The following SHISA2 variants were observed in gnomAD, a reference collection of about 807,000 sequenced individuals.
SHISA2 encodes the protein protein shisa-2 homolog.
SHISA2 carries 16 observed loss-of-function variants against 23.8 expected under a neutral mutation model. That is an observed-to-expected ratio of 0.67 (90% CI 0.46 to 1.02). The LOEUF (loss-of-function observed/expected upper bound fraction) is 1.02. Ranked by LOEUF, SHISA2 falls within the 50% of genes least tolerant of loss-of-function variation. SHISA2 has a pLI of 0.00. For synonymous variants in SHISA2, 201 were observed against 178.6 expected, an observed-to-expected ratio of 1.13 and a Z score of -1.00; for missense variants, 459 against 420.1, an observed-to-expected ratio of 1.09 and a Z score of -0.81.
In SHISA2 at chr13:26,046,594, C is replaced by T. The variant is rs747649857; in HGVS notation, c.807G>A (p.Leu269=). Reference sequence around the variant, plus strand: ...ACTGAATCTGCCTGTAGCCAGGCTGCAGGCCGTCCATGAAAGGTGGCACAG... The same window carrying T: ...ACTGAATCTGCCTGTAGCCAGGCTGTAGGCCGTCCATGAAAGGTGGCACAG... ...MTAVPPFMDG[L]QPGYRQIQSP... Residue 269 remains leucine, a synonymous_variant, in exon 2 of 2, where the codon CTG becomes CTA. Transcript: ENST00000319420. 2 of 1,614,068 alleles carry T rather than the reference C, an allele frequency of 1.2e-6. No homozygotes were observed. The highest frequency in any genetic ancestry group is 1.3e-5 in the African/African-American group (1 of 74,936).
In SHISA2 at chr13:26,051,963, C is replaced by G. The variant is rs1957307790; in HGVS notation, c.-988G>C. Among the ~76,000 whole-genome samples the G allele has an allele frequency of 1.0e-5, 1 of 97,894 alleles. No individual in the cohort carries two copies. Among genetic ancestry groups the G allele is most frequent in the Non-Finnish European group, 2.1e-5 (1 of 46,518 alleles). The allele number at this position is 97,894 out of a possible 152,430, so 64.2% of individuals were successfully genotyped here. Reference sequence around the variant, plus strand: ...GGGCTACGGGAGAAGCCGAGCGCAGCAGCCGCCCACAGCCTCGCCTCGCCC... The same window carrying G: ...GGGCTACGGGAGAAGCCGAGCGCAGGAGCCGCCCACAGCCTCGCCTCGCCC... On this transcript the variant is annotated 5_prime_UTR_variant, in exon 1 of 2. Transcript: ENST00000319420.
In SHISA2 at chr13:26,046,695, C is replaced by T. The variant is rs770163542; in HGVS notation, c.706G>A (p.Val236Met). 6.2e-7 allele frequency: 1 copy of T among 1,614,236 alleles called. No individual in the cohort carries two copies. The highest frequency in any genetic ancestry group is 8.5e-7 in the Non-Finnish European group (1 of 1,180,044). ...TGCAGATACTGCCCTTGATGTGGCA[C>T]AATCTGGGTGGCCTGCTGACAGTTC... ...VLNCQQATQIVPHQGQYLHPP... is the reference protein window; with the variant it reads ...VLNCQQATQIMPHQGQYLHPP... The change falls in exon 2 of 2, where the codon GTG becomes ATG. Residue 236 changes from valine (V) to methionine (M), a missense_variant. Val to Met is a conservative substitution (Grantham distance 21, BLOSUM62 1). Transcript: ENST00000319420.
intron 1 of SHISA2, among the ~76,000 whole-genome samples, chr13:26,049,575 C>T (rs78644972): frequency 0.026 from 3,962 of 152,148 alleles, 173 homozygotes; most frequent in African/African-American, 0.089. Flanking sequence ...TCTGGAATTA[C>T]GCTCTCTTCA....
chr13:26,049,257 C>T (rs900530636), intron 1 of SHISA2, among the ~76,000 whole-genome samples: 2 of 152,132 alleles, frequency 1.3e-5, no homozygotes, highest in Admixed American at 6.5e-5. Flanking sequence ...ATAAGCCCCC[C>T]GGCAGGCTTA....
At position 26,048,351 on chromosome 13, in the gene SHISA2, G is replaced by A. The variant is rs541406451; in HGVS notation, c.335-1285C>T. Among the ~76,000 whole-genome samples, 4 of 152,190 alleles carry A rather than the reference G, an allele frequency of 2.6e-5. No homozygotes were observed. In the South Asian group the frequency reaches 8.3e-4, roughly 32 times the overall value. ...ATTAGTTTCTTAAAAAAATCTTTTA[G>A]GAGCCATAGAGAGGGCACTACAAGG... On this transcript the variant is annotated intron_variant, in intron 1 of 1. Transcript: ENST00000319420.
Position 26,045,397 on chromosome 13 carries a change from C to T in SHISA2, c.*1116G>A, listed in dbSNP as rs1957259500. On this transcript the variant is annotated 3_prime_UTR_variant, in exon 2 of 2. Coordinates refer to ENST00000319420, the MANE Select transcript of SHISA2 (RefSeq NM_001007538.2). ...TTCAATATAAAAAAGAATGCATTAC[C>T]TCTCAGATGTCACCTTAAAGCCAGA... 2.0e-5 allele frequency: 3 copies of T among 152,106 alleles called. No homozygotes were observed. Among genetic ancestry groups the T allele is most frequent in the Non-Finnish European group, 2.9e-5 (2 of 68,018 alleles). 9.4% of individuals were successfully genotyped at this position (152,106 alleles called of 1,614,324 possible).
At position 26,050,934 on chromosome 13, in the gene SHISA2, G is replaced by A. The variant is rs1957299030; in HGVS notation, c.42C>T (p.Asn14=). ...ARRSSVSSSW[N]AASLLQLLLA... is the part of the protein sequence containing the mutation. Reference sequence around the variant, plus strand: ...GCAGCAGCTGCAGGAGCGAAGCGGCGTTCCAGGATGAGGAGACGGACGAGC... The same window carrying A: ...GCAGCAGCTGCAGGAGCGAAGCGGCATTCCAGGATGAGGAGACGGACGAGC... Residue 14 remains asparagine (N), a synonymous_variant, in exon 1 of 2, where the codon AAC becomes AAT. Coordinates refer to ENST00000319420, the MANE Select transcript of SHISA2 (RefSeq NM_001007538.2). 18 of 1,520,436 alleles carry A rather than the reference G, an allele frequency of 1.2e-5. No homozygotes were observed. Among genetic ancestry groups the A allele is most frequent in the Non-Finnish European group, 1.5e-5 (17 of 1,141,436 alleles). 94.2% of individuals were successfully genotyped at this position (1,520,436 alleles called of 1,614,324 possible). A position where few individuals can be genotyped will look rare whatever the true frequency, so the allele number is the denominator to read the frequency against.
In SHISA2 at chr13:26,051,617, G is replaced by C. The variant is rs1236901254; in HGVS notation, c.-642C>G. ...GGGGTGCAGCCCCGACGCTCCACTCGGCGGGGCCGACGGCCAATCTTCCCA... is the reference window on the plus strand; with the variant it reads ...GGGGTGCAGCCCCGACGCTCCACTCCGCGGGGCCGACGGCCAATCTTCCCA... On this transcript the variant is annotated 5_prime_UTR_variant, in exon 1 of 2. Transcript: ENST00000319420. Among the ~76,000 whole-genome samples the C allele has an allele frequency of 6.6e-6, 1 of 152,026 alleles. No individual in the cohort carries two copies. Among genetic ancestry groups the C allele is most frequent in the East Asian group, 2.0e-4 (1 of 5,074 alleles).
chr13:26,047,649 C>T (rs1220990109), intron 1 of SHISA2, among the ~76,000 whole-genome samples: 2 of 152,254 alleles, frequency 1.3e-5, no homozygotes, highest in East Asian at 3.9e-4. Context: ...AGAGGTAAGG[C>T]ACAGAAGGGT....
Position 26,051,061 on chromosome 13 carries a change from C to G in SHISA2, c.-86G>C. 3 of 1,223,706 alleles carry G rather than the reference C, an allele frequency of 2.5e-6. No homozygotes were observed. In the South Asian group the frequency reaches 5.1e-5, roughly 21 times the overall value. 75.8% of individuals were successfully genotyped at this position (1,223,706 alleles called of 1,614,324 possible). ...CGTGGCCCCGGCGACCCCCGGGCCT[C>G]GTCACTGACTGTCCCGCGGCGCTTT... On this transcript the variant is annotated 5_prime_UTR_variant, in exon 1 of 2. Transcript: ENST00000319420.
In SHISA2 at chr13:26,044,708, C is replaced by G. The variant is rs1388216398; in HGVS notation, c.*1805G>C. 6.6e-6 allele frequency: 1 copy of G among 152,154 alleles called. No individual in the cohort carries two copies. Among genetic ancestry groups the G allele is most frequent in the Non-Finnish European group, 1.5e-5 (1 of 68,030 alleles). The allele number at this position is 152,154 out of a possible 1,614,324, so 9.4% of individuals were successfully genotyped here. A position where few individuals can be genotyped will look rare whatever the true frequency, so the allele number is the denominator to read the frequency against. On this transcript the variant is annotated 3_prime_UTR_variant, in exon 2 of 2. Transcript: ENST00000319420. ...TTGCCAACACTGGTTTTACATTATT[C>G]AGTCATGAAACAGAATAGAAAGATG...
At position 26,050,652 on chromosome 13, in the gene SHISA2, G is replaced by T. The variant is rs987063443; in HGVS notation, c.324C>A (p.Asp108Glu). The T allele has an allele frequency of 4.2e-6, 6 of 1,416,564 alleles. No homozygotes were observed. Among genetic ancestry groups the T allele is most frequent in the Non-Finnish European group, 5.5e-6 (6 of 1,094,550 alleles). The allele number at this position is 1,416,564 out of a possible 1,614,324, so 87.7% of individuals were successfully genotyped here. ...CGCAGGCCGCCCTACCTGCCGAGCC[G>T]TCGGGGCCGTCTTTGTCCGCCCGGC... ...EPGRADKDGPDGSAVPIYVPF... is the reference protein window; with the variant it reads ...EPGRADKDGPEGSAVPIYVPF... Residue 108 changes from aspartate to glutamate, a missense_variant, in exon 1 of 2, where the codon GAC becomes GAA. Physicochemically the swap from Asp to Glu is conservative, Grantham distance 45. Transcript: ENST00000319420.
In SHISA2 at chr13:26,046,519, A is replaced by G; in HGVS notation, c.882T>C (p.Thr294=). 1 of 1,596,502 alleles carries G rather than the reference A, an allele frequency of 6.3e-7. No individual in the cohort carries two copies. Among genetic ancestry groups the G allele is most frequent in the Admixed American group, 1.7e-5 (1 of 59,322 alleles). Reference sequence around the variant, plus strand: ...ACCCACCAGTGACTCTCGGTTATACAGTCACCGCTGGGTACATCTTCTGTT... The same window carrying G: ...ACCCACCAGTGACTCTCGGTTATACGGTCACCGCTGGGTACATCTTCTGTT... ...NSEQKMYPAV[T]V is the part of the protein sequence containing the mutation. Residue 294 remains threonine, a synonymous_variant, in exon 2 of 2, where the codon ACT becomes ACC. Transcript: ENST00000319420.
In SHISA2 at chr13:26,050,903, C is replaced by T; in HGVS notation, c.73G>A (p.Ala25Thr). 1 of 1,519,370 alleles carries T rather than the reference C, an allele frequency of 6.6e-7. No homozygotes were observed. Among genetic ancestry groups the T allele is most frequent in the Non-Finnish European group, 8.8e-7 (1 of 1,140,996 alleles). The allele number at this position is 1,519,370 out of a possible 1,614,324, so 94.1% of individuals were successfully genotyped here. ...AASLLQLLLA[A>T]LLAAGARASG... ...GCCCTCGCCCCCGCCGCCAGCAGCG[C>T]AGCCAGCAGCAGCTGCAGGAGCGAA... is the stretch of plus-strand genomic sequence containing the variant. The change falls in exon 1 of 2, where the codon GCG becomes ACG. Residue 25 changes from alanine (A) to threonine (T), a missense_variant. By Grantham distance (58) the Ala-to-Thr change is moderately conservative. Transcript: ENST00000319420.
At position 26,052,003 on chromosome 13, in the gene SHISA2, C is replaced by T. The variant is rs915989629; in HGVS notation, c.-1028G>A. On this transcript the variant is annotated 5_prime_UTR_variant, in exon 1 of 2. Transcript: ENST00000319420. ...TCGCCTCGCCCCGCCCGGCGCCAGA[C>T]CAGCTCCGACTCCGCTCGCTGCCGC... 2.0e-5 allele frequency among the ~76,000 whole-genome samples: 3 copies of T among 152,068 alleles called. No individual in the cohort carries two copies. The highest frequency in any genetic ancestry group is 2.0e-4 in the Admixed American group (3 of 15,278).
chr13:26,051,410 T>TCC lies in SHISA2; in HGVS notation c.-437_-436dup, dbSNP rs1440898385. On this transcript the variant is annotated 5_prime_UTR_variant, in exon 1 of 2. Coordinates refer to ENST00000319420, the MANE Select transcript of SHISA2 (RefSeq NM_001007538.2). Reference sequence around the variant, plus strand: ...TCTGCGCAGGGTTTAAGCCTCAGGGTCCCGCGCGCGAATCAGGGCCCGTCT... The same window carrying TCC: ...TCTGCGCAGGGTTTAAGCCTCAGGGTCCCCCGCGCGCGAATCAGGGCCCGTCT... Among the ~76,000 whole-genome samples the TCC allele has an allele frequency of 6.6e-6, 1 of 152,028 alleles. No homozygotes were observed. The highest frequency in any genetic ancestry group is 1.5e-5 in the Non-Finnish European group (1 of 67,994).
intron 1 of SHISA2, 119 bp from the exon 2 acceptor site, chr13:26,047,185 C>T (rs1957274713): frequency 9.2e-7 from 1 of 1,082,132 alleles, no homozygotes; most frequent in Non-Finnish European, 1.3e-6. Flanking sequence ...GAAGGACCTA[C>T]ACTGGGCTAA....
rs1178926101 is a variant in SHISA2, at chr13:26,045,772, T to C, written c.*741A>G. The C allele has an allele frequency of 4.0e-5, 6 of 150,498 alleles. No individual in the cohort carries two copies. The highest frequency in any genetic ancestry group is 3.3e-4 in the Admixed American group (5 of 15,120). The allele number at this position is 150,498 out of a possible 1,614,324, so 9.3% of individuals were successfully genotyped here. ...GTTATTTGCGTCTTCCCCTTAACCT[T>C]GGATGCATTAGAAAAAAAAAAAGGC... is the stretch of plus-strand genomic sequence containing the variant. On this transcript the variant is annotated 3_prime_UTR_variant, in exon 2 of 2. Transcript: ENST00000319420.
At position 26,051,604 on chromosome 13, in the gene SHISA2, C is replaced by G. The variant is rs1401991127; in HGVS notation, c.-629G>C. ...CGGGCAGCCCACGGGGGTGCAGCCCCGACGCTCCACTCGGCGGGGCCGACG... is the reference window on the plus strand; with the variant it reads ...CGGGCAGCCCACGGGGGTGCAGCCCGGACGCTCCACTCGGCGGGGCCGACG... On this transcript the variant is annotated 5_prime_UTR_variant, in exon 1 of 2. Coordinates refer to ENST00000319420, the MANE Select transcript of SHISA2 (RefSeq NM_001007538.2). 2.6e-5 allele frequency among the ~76,000 whole-genome samples: 4 copies of G among 152,074 alleles called. No individual in the cohort carries two copies. Among genetic ancestry groups the G allele is most frequent in the Non-Finnish European group, 5.9e-5 (4 of 67,964 alleles).
Sources: allele counts gnomAD v4.1 joint callset (sites outside exome capture counted in the v4.1 genomes callset), GRCh38; gene constraint gnomAD v4.1.1; transcripts MANE v1.5; gene names NCBI Gene and HGNC (gene_info 2026-07-23, HGNC 2026-07-21).